NGEF: variants seen among roughly 807,000 people sequenced by gnomAD.
NGEF encodes the protein ephexin-1.
A neutral mutation model predicts 80.9 loss-of-function variants in NGEF; 31 were observed. The observed-to-expected ratio is 0.38, with a 90% CI of 0.29 to 0.52. The LOEUF (loss-of-function observed/expected upper bound fraction) is 0.52. Among genes scored for constraint, NGEF ranks in the 20% least tolerant of loss-of-function variants. NGEF has a pLI of 0.84. For synonymous variants in NGEF, 371 were observed against 370.2 expected (o/e 1.00, Z -0.03); for missense variants, 709 against 926.2 (o/e 0.77, Z 3.04).
chr2:232,970,071 A>ATTTTTTTT, intron 3 of NGEF, 143 bp downstream of exon 3: 1 of 410,486 alleles, frequency 2.4e-6, no homozygotes, highest in Non-Finnish European at 4.2e-6. Flanking sequence ...GTTTTTATTT[A>ATTTTTTTT]TTTATTTTTT....
chr2:232,932,190 A>T, intron 3 of NGEF, among the ~76,000 whole-genome samples: 1 of 119,926 alleles, frequency 8.3e-6, no homozygotes. Flanking sequence ...TTTGAGACAG[A>T]ATCTTGCTCT....
chr2:232,907,180 AAAAAAAAG>A (rs765988220), intron 5 of NGEF, among the ~76,000 whole-genome samples: 1,017 of 75,806 alleles, frequency 0.013, 24 homozygotes, highest in East Asian at 0.1. Flanking sequence ...AAAAGAAAAG[AAAAAAAAG>A]AAAAAAAAAA....
chr2:233,000,599 A>C (rs187539543), intron 1 of NGEF, among the ~76,000 whole-genome samples: 3,657 of 152,168 alleles, frequency 0.024, 154 homozygotes, highest in African/African-American at 0.084. Context: ...CTAGTAAAAA[A>C]AATACAAAAA....
chr2:232,944,609 C>T (rs535679283), intron 3 of NGEF, among the ~76,000 whole-genome samples: 4 of 147,134 alleles, frequency 2.7e-5, no homozygotes, highest in East Asian at 2.0e-4. Context: ...GAAAGGGAAG[C>T]GAAACAATTA....
At position 232,965,207 on chromosome 2, in the gene NGEF, T is replaced by C. The variant is rs182921106; in HGVS notation, c.383+5007A>G. Among the ~76,000 whole-genome samples, 4 of 152,294 alleles carry C rather than the reference T, an allele frequency of 2.6e-5. 1 individual carries two copies. The East Asian group carries it at 7.7e-4, about 29-fold the overall frequency. ...CATGTAGAGGTTTTTGTTGTTGCCG[T>C]TGCTGTTGGTATTTTTTCCTCTGCT... On this transcript the variant is annotated intron_variant, in intron 3 of 14. Transcript: ENST00000264051.
At chr2:232,908,679 A>G (rs983852203) in intron 5 of NGEF, among the ~76,000 whole-genome samples, 15 of 151,946 alleles carry the variant, frequency 9.9e-5, no homozygotes, top group African/African-American at 3.1e-4. Flanking sequence ...TGCTGGGATT[A>G]TAGGCATGAG....
intron 3 of NGEF, among the ~76,000 whole-genome samples, chr2:232,933,602 C>T (rs1405224381): frequency 6.6e-6 from 1 of 152,222 alleles, no homozygotes; most frequent in Non-Finnish European, 1.5e-5. Flanking sequence ...AAGCCCAGCC[C>T]CTTGTGCTGT....
intron 5 of NGEF, among the ~76,000 whole-genome samples, chr2:232,900,696 G>A (rs1243888875): frequency 1.7e-5 from 2 of 118,578 alleles, no homozygotes; most frequent in East Asian, 2.5e-4. Context: ...TCATATACAC[G>A]TTCACTCACA....
chr2:232,909,168 A>G (rs1481578441), intron 5 of NGEF, among the ~76,000 whole-genome samples: 1 of 152,048 alleles, frequency 6.6e-6, no homozygotes, highest in African/African-American at 2.4e-5. Context: ...ACAGTTTTTT[A>G]TTATGTATGA....
intron 5 of NGEF, among the ~76,000 whole-genome samples, chr2:232,901,166 C>A (rs1692344131): frequency 6.6e-6 from 1 of 152,194 alleles, no homozygotes; most frequent in Admixed American, 6.5e-5. Flanking sequence ...AGCCCGCGGG[C>A]CCCAATTCCC....
intron 5 of NGEF, chr2:232,901,338 C>T (rs1167714600): frequency 3.0e-6 from 3 of 984,100 alleles, no homozygotes; most frequent in South Asian, 4.7e-5. Flanking sequence ...CGAGGCTGCG[C>T]GATTTCTCCT....
At chr2:232,935,410 G>A (rs1011315741) in intron 3 of NGEF, among the ~76,000 whole-genome samples, 13 of 152,208 alleles carry the variant, frequency 8.5e-5, no homozygotes, top group South Asian at 6.2e-4. Context: ...TTGAGGTCAG[G>A]AGTTCAAGAT....
chr2:232,902,971 G>A (rs766435703), intron 5 of NGEF, among the ~76,000 whole-genome samples: 4 of 151,578 alleles, frequency 2.6e-5, no homozygotes, highest in Non-Finnish European at 2.9e-5. Flanking sequence ...TCCAGCATAA[G>A]TGACAGAGTG....
chr2:232,879,431 C>CCG lies in NGEF; in HGVS notation c.*57_*58insCG. On this transcript the variant is annotated 3_prime_UTR_variant, in exon 15 of 15. Coordinates refer to ENST00000264051, the MANE Select transcript of NGEF (RefSeq NM_019850.3). ...CTGTGCTTCCCAGAGCCCCCCCCCC[C>CCG]CCACCTTCTGTCGGGGTCTCATGCA... 5 of 1,408,644 alleles carry CCG rather than the reference C, an allele frequency of 3.5e-6. No individual in the cohort carries two copies. Among genetic ancestry groups the CCG allele is most frequent in the African/African-American group, 1.4e-5 (1 of 70,234 alleles). 87.3% of individuals were successfully genotyped at this position (1,408,644 alleles called of 1,614,324 possible).
At chr2:232,927,955 G>A (rs1337141066) in intron 3 of NGEF, 1 of 1,328,488 alleles carries the variant, frequency 7.5e-7, no homozygotes, top group South Asian at 2.1e-5. Context: ...AACTGTCGTG[G>A]TCCACGGCGC....
chr2:233,001,899 C>A (rs967245044), intron 1 of NGEF, among the ~76,000 whole-genome samples: 2 of 152,164 alleles, frequency 1.3e-5, no homozygotes, highest in Non-Finnish European at 2.9e-5. Context: ...CCTGTAATTG[C>A]AGCTACTTGG....
intron 5 of NGEF, among the ~76,000 whole-genome samples, chr2:232,907,564 G>A (rs1692594997): frequency 6.6e-6 from 1 of 152,198 alleles, no homozygotes; most frequent in African/African-American, 2.4e-5. Context: ...ACACACTGAA[G>A]CCTGCGTGCT....
In NGEF at chr2:232,954,887, T is replaced by C. The variant is rs903799284; in HGVS notation, c.383+15327A>G. On this transcript the variant is annotated intron_variant, in intron 3 of 14. Coordinates refer to ENST00000264051, the MANE Select transcript of NGEF (RefSeq NM_019850.3). ...CCAGTGTGGGTGGGGGAACAGCAGG[T>C]GCAAAGGGCCTGTGGTGAGGACACT... 1.3e-5 allele frequency among the ~76,000 whole-genome samples: 2 copies of C among 152,106 alleles called. 1 individual carries two copies. Among genetic ancestry groups the C allele is most frequent in the Admixed American group, 1.3e-4 (2 of 15,272 alleles).
chr2:232,937,058 A>C (rs1693341009), intron 3 of NGEF, among the ~76,000 whole-genome samples: 1 of 152,094 alleles, frequency 6.6e-6, no homozygotes, highest in Admixed American at 6.6e-5. Flanking sequence ...CAACGTCTGC[A>C]TCCCAGGTTC....
Sources: allele counts gnomAD v4.1 joint callset (sites outside exome capture counted in the v4.1 genomes callset), GRCh38; gene constraint gnomAD v4.1.1; transcripts MANE v1.5; gene names NCBI Gene and HGNC (gene_info 2026-07-23, HGNC 2026-07-21).